COL26A1: variants seen among roughly 807,000 people sequenced by gnomAD.
COL26A1 encodes collagen type XXVI alpha 1 chain.
COL26A1 carries 41 observed loss-of-function variants against 59.3 expected under a neutral mutation model. The ratio of observed to expected loss-of-function variants is 0.69; its 90% CI spans 0.54 to 0.90. The LOEUF is 0.90. Ranked by LOEUF, COL26A1 falls within the 40% of genes least tolerant of loss-of-function variation. The pLI is 0.00. For synonymous variants in COL26A1, 266 were observed against 256.0 expected (o/e 1.04, Z -0.37); for missense variants, 612 against 602.3 (o/e 1.02, Z -0.17).
chr7:101,442,581 G>A (rs79854982), intron 2 of COL26A1, among the ~76,000 whole-genome samples: 1,948 of 152,284 alleles, frequency 0.013, 57 homozygotes, highest in East Asian at 0.1. Context: ...ATCATATAGG[G>A]TTAAAATAGA....
At chr7:101,419,638 C>T (rs749549531) in intron 1 of COL26A1, among the ~76,000 whole-genome samples, 4 of 152,228 alleles carry the variant, frequency 2.6e-5, no homozygotes, top group Non-Finnish European at 5.9e-5. Context: ...CTTGTGTGTT[C>T]ACCACGTGGT....
rs887215934 is a variant in COL26A1 at position 101,442,413 on chromosome 7, G to A, written c.282-5271G>A. Among the ~76,000 whole-genome samples the A allele has an allele frequency of 4.0e-5, 6 of 149,800 alleles. No homozygotes were observed. The South Asian group carries it at 1.0e-3, about 26-fold the overall frequency. On this transcript the variant is annotated intron_variant, in intron 2 of 12. Coordinates refer to ENST00000313669, the MANE Select transcript of COL26A1 (RefSeq NM_001278563.3). ...ACGATCTCGGCTCACTGCAACCTCC[G>A]CCTCCCGGGTTCAAGGAATTCCCCT...
chr7:101,510,025 G>T (rs1563019323), intron 3 of COL26A1, among the ~76,000 whole-genome samples: 1 of 98,128 alleles, frequency 1.0e-5, no homozygotes, highest in Non-Finnish European at 1.8e-5. Flanking sequence ...ATCGCGCCCA[G>T]TCTTTTTTTT....
intron 3 of COL26A1, among the ~76,000 whole-genome samples, chr7:101,491,328 G>A (rs1212874118): frequency 2.0e-5 from 3 of 152,124 alleles, no homozygotes; most frequent in African/African-American, 7.2e-5. Context: ...ACACTACAGA[G>A]AGCTGGTTGT....
chr7:101,533,208 C>T, intron 4 of COL26A1, 65 bp downstream of exon 4: 1 of 1,219,246 alleles, frequency 8.2e-7, no homozygotes. Flanking sequence ...TGGAGGGAGG[C>T]ATCAGGCAAC....
intron 3 of COL26A1, among the ~76,000 whole-genome samples, chr7:101,516,534 G>A (rs1795032004): frequency 6.6e-6 from 1 of 152,146 alleles, no homozygotes; most frequent in Non-Finnish European, 1.5e-5. Context: ...AGCTCCCAAA[G>A]TGCTGTGATT....
At chr7:101,389,496 C>T (rs1167540391) in intron 1 of COL26A1, among the ~76,000 whole-genome samples, 2 of 151,658 alleles carry the variant, frequency 1.3e-5, no homozygotes, top group African/African-American at 4.8e-5. Context: ...TCTCCTGCCT[C>T]AGCCTCCTGA....
At chr7:101,411,509 C>T (rs570807139) in intron 1 of COL26A1, among the ~76,000 whole-genome samples, 4 of 151,892 alleles carry the variant, frequency 2.6e-5, no homozygotes, top group East Asian at 1.9e-4. Flanking sequence ...CCTAATTGGC[C>T]GTAAGGAGGC....
chr7:101,369,798 C>T (rs1006898639), intron 1 of COL26A1, among the ~76,000 whole-genome samples: 1 of 152,086 alleles, frequency 6.6e-6, no homozygotes, highest in African/African-American at 2.4e-5. Context: ...GGGGTTACAG[C>T]ATTTTGCATT....
chr7:101,362,841 G>A, upstream of COL26A1: 1 of 575,862 alleles, frequency 1.7e-6, no homozygotes, highest in African/African-American at 2.0e-5. Context: ...CCACCTCGCC[G>A]AATTTGAAAA....
At position 101,426,347 on chromosome 7, in the gene COL26A1, C is replaced by T. The variant is rs149900838; in HGVS notation, c.281+6248C>T. 4.8e-3 allele frequency among the ~76,000 whole-genome samples: 733 copies of T among 152,150 alleles called. 8 individuals carry two copies. The highest frequency in any genetic ancestry group is 0.016 in the African/African-American group (671 of 41,498). Reference sequence around the variant, plus strand: ...ACGTTACCAAAAGAAGCTTCAATAACGGGGGAATATTCACCTCACAATCTA... The same window carrying T: ...ACGTTACCAAAAGAAGCTTCAATAATGGGGGAATATTCACCTCACAATCTA... On this transcript the variant is annotated intron_variant, in intron 2 of 12. Coordinates refer to ENST00000313669, the MANE Select transcript of COL26A1 (RefSeq NM_001278563.3).
chr7:101,546,261 C>T (rs1420581263), intron 7 of COL26A1, among the ~76,000 whole-genome samples: 1 of 152,080 alleles, frequency 6.6e-6, no homozygotes, highest in Non-Finnish European at 1.5e-5. Flanking sequence ...TTTTTTTTGA[C>T]ATAGGGTCTG....
In COL26A1 at chr7:101,551,150, G is replaced by C; in HGVS notation, c.1029+7G>C. The stretch of plus-strand genomic sequence containing the variant: ...AGGCACAGTGGGGCCGTCCGTAAGT[G>C]TGGGCTGTGCAGATGGGCCTGGGCC... On this transcript the variant is annotated splice_region_variant and intron_variant, in intron 10 of 12. Coordinates refer to ENST00000313669, the MANE Select transcript of COL26A1 (RefSeq NM_001278563.3). 6.4e-7 allele frequency: 1 copy of C among 1,559,018 alleles called. No individual in the cohort carries two copies. The highest frequency in any genetic ancestry group is 8.7e-7 in the Non-Finnish European group (1 of 1,151,702).
At chr7:101,490,135 A>G (rs941840855) in intron 3 of COL26A1, among the ~76,000 whole-genome samples, 12 of 151,202 alleles carry the variant, frequency 7.9e-5, no homozygotes, top group African/African-American at 2.9e-4. Context: ...ATGGGGTTTC[A>G]CCATATTGGC....
intron 6 of COL26A1, among the ~76,000 whole-genome samples, chr7:101,544,489 A>G (rs1336265054): frequency 6.7e-6 from 1 of 149,498 alleles, no homozygotes; most frequent in Non-Finnish European, 1.5e-5. Flanking sequence ...GGCCTCCCAA[A>G]GTGCTGGGAT....
In COL26A1 at chr7:101,489,766, CTTTCTTTCTTTCTTTCTTT is replaced by C. The variant is rs1794378534; in HGVS notation, c.385+41980_385+41998del. On this transcript the variant is annotated intron_variant, in intron 3 of 12. Transcript: ENST00000313669. ...CTTTCTTTCTTGTCTCTCTTTCTTT[CTTTCTTTCTTTCTTTCTTT>C]CTTTCTTTCTTTCTTTCTTTCTTTC... 1.4e-3 allele frequency among the ~76,000 whole-genome samples: 5 copies of C among 3,666 alleles called. 2 individuals carry two copies. The highest frequency in any genetic ancestry group is 6.8e-3 in the Admixed American group (2 of 292). 2.4% of individuals were successfully genotyped at this position (3,666 alleles called of 152,430 possible). A position where few individuals can be genotyped will look rare whatever the true frequency, so the allele number is the denominator to read the frequency against.
intron 3 of COL26A1, among the ~76,000 whole-genome samples, chr7:101,451,301 TATA>T (rs1033920878): frequency 9.2e-5 from 13 of 141,198 alleles, no homozygotes; most frequent in African/African-American, 3.4e-4. Context: ...AATTATGTAT[TATA>T]ATGTGAATTA....
intron 3 of COL26A1, among the ~76,000 whole-genome samples, chr7:101,455,646 G>A (rs1416003042): frequency 6.6e-6 from 1 of 151,702 alleles, no homozygotes; most frequent in Non-Finnish European, 1.5e-5. Flanking sequence ...GGGATTACAG[G>A]TGTGCACCAC....
At chr7:101,519,568 C>T (rs2130606474) in intron 3 of COL26A1, among the ~76,000 whole-genome samples, 1 of 152,312 alleles carries the variant, frequency 6.6e-6, no homozygotes, top group East Asian at 1.9e-4. Context: ...GCATGTGCAC[C>T]TTCTGAGATC....
Sources: gnomAD v4.1 joint callset for allele counts (sites outside exome capture counted in the v4.1 genomes callset) on GRCh38, gnomAD v4.1.1 for gene constraint, MANE v1.5 for transcripts, NCBI Gene and HGNC (gene_info 2026-07-23, HGNC 2026-07-21) for gene names.